CAPRIN1: variants seen among roughly 807,000 people sequenced by gnomAD.
CAPRIN1 encodes the protein caprin-1.
CAPRIN1 carries 29 observed loss-of-function variants against 100.9 expected under a neutral mutation model. The ratio of observed to expected loss-of-function variants is 0.29; its 90% CI spans 0.21 to 0.39. CAPRIN1 has a LOEUF of 0.39. Ranked by LOEUF, CAPRIN1 falls within the 10% of genes least tolerant of loss-of-function variation. The pLI, the probability that CAPRIN1 is intolerant of heterozygous loss-of-function variation, is 1.00. For synonymous variants in CAPRIN1, 338 were observed against 307.5 expected (o/e 1.10, Z -1.04); for missense variants, 795 against 876.7 (o/e 0.91, Z 1.18).
At position 34,052,645 on chromosome 11, in the gene CAPRIN1, A is replaced by T. The variant is rs992393240; in HGVS notation, c.216+9A>T. ...ACCTGGAGAAGAAAAAGGTGCCAGG[A>T]GTTGGCGGGGAAGGGAGGGGTGGCT... On this transcript the variant is annotated intron_variant, in intron 2 of 18. Coordinates refer to ENST00000341394, the MANE Select transcript of CAPRIN1 (RefSeq NM_005898.5). 6.2e-7 allele frequency: 1 copy of T among 1,600,200 alleles called. No individual in the cohort carries two copies. The highest frequency in any genetic ancestry group is 8.5e-7 in the Non-Finnish European group (1 of 1,173,692).
Position 34,076,345 on chromosome 11 carries a change from T to G in CAPRIN1, c.476T>G (p.Leu159Trp). The change falls in exon 5 of 19, where the codon TTG becomes TGG. Residue 159 changes from leucine to tryptophan, a missense_variant. By Grantham distance (61) the Leu-to-Trp change is moderately conservative. Around this residue, in one of 3 missense-constraint regions of CAPRIN1, gnomAD observed 648 missense variants for 697.9 expected, o/e 0.93. Coordinates refer to ENST00000341394, the MANE Select transcript of CAPRIN1 (RefSeq NM_005898.5). ...VLELQYVLDK[L>W]GDDEVRTDLK... ...GAGCTACAGTATGTTTTGGACAAATTGGGAGATGATGAAGTGCGGACTGAC... is the reference window on the plus strand; with the variant it reads ...GAGCTACAGTATGTTTTGGACAAATGGGGAGATGATGAAGTGCGGACTGAC... The G allele has an allele frequency of 6.2e-7, 1 of 1,614,154 alleles. No homozygotes were observed. The highest frequency in any genetic ancestry group is 8.5e-7 in the Non-Finnish European group (1 of 1,180,004).
intron 1 of CAPRIN1, 113 bp from the exon 2 acceptor site, chr11:34,052,308 G>T: frequency 1.1e-6 from 1 of 899,672 alleles, no homozygotes. Flanking sequence ...CCACCCGCTC[G>T]CGTAGGCTAC....
intron 2 of CAPRIN1, among the ~76,000 whole-genome samples, chr11:34,065,354 A>T (rs573714886): frequency 6.6e-6 from 1 of 152,356 alleles, no homozygotes; most frequent in East Asian, 1.9e-4. Context: ...CAAGTTAATT[A>T]CAATGTATTT....
intron 11 of CAPRIN1, 79 bp downstream of exon 11, chr11:34,086,492 ATTTTG>A: frequency 5.0e-6 from 4 of 803,290 alleles, no homozygotes; most frequent in Non-Finnish European, 8.0e-6. Flanking sequence ...GTGAAAATAA[ATTTTG>A]TTTATTTTAA....
rs1850307673 is a variant in CAPRIN1, at chr11:34,051,794, A to C, written c.-78A>C. 6.6e-6 allele frequency: 1 copy of C among 152,378 alleles called. No homozygotes were observed. The highest frequency in any genetic ancestry group is 1.5e-5 in the Non-Finnish European group (1 of 68,224). 9.4% of individuals were successfully genotyped at this position (152,378 alleles called of 1,614,324 possible). A position where few individuals can be genotyped will look rare whatever the true frequency, so the allele number is the denominator to read the frequency against. ...GCGGCCTGCGCCCACGGAGCGCGCG[A>C]CACTGCCCGGAAGGGACCACCACCC... On this transcript the variant is annotated 5_prime_UTR_variant, in exon 1 of 19. Coordinates refer to ENST00000341394, the MANE Select transcript of CAPRIN1 (RefSeq NM_005898.5).
intron 2 of CAPRIN1, among the ~76,000 whole-genome samples, chr11:34,062,068 A>G (rs1182047759): frequency 2.0e-5 from 3 of 151,988 alleles, no homozygotes; most frequent in Non-Finnish European, 2.9e-5. Flanking sequence ...TGCTTTCAAC[A>G]TTTGAAGAAA....
chr11:34,092,357 AC>A (rs1474120956), intron 15 of CAPRIN1, among the ~76,000 whole-genome samples: 1 of 146,744 alleles, frequency 6.8e-6, no homozygotes, highest in Non-Finnish European at 1.5e-5. Context: ...CATAAAGTGT[AC>A]TTTTTTTTTT....
At chr11:34,053,596 TA>T (rs55646128) in intron 2 of CAPRIN1, 19,511 of 144,928 alleles carry the variant, frequency 0.13, 1,658 homozygotes, top group African/African-American at 0.25. Context: ...GGCCCCCCTC[TA>T]AAAAAAAAAA....
Position 34,069,767 on chromosome 11 carries a change from C to T in CAPRIN1, c.217-1959C>T, listed in dbSNP as rs533017317. ...TAATAAAATTGGGTACTATTAAAAG[C>T]CTTTAATGTCTTAGTGATTATCTTG... On this transcript the variant is annotated intron_variant, in intron 2 of 18. Transcript: ENST00000341394. Among the ~76,000 whole-genome samples the T allele has an allele frequency of 2.0e-5, 3 of 151,678 alleles. No homozygotes were observed. In the South Asian group the frequency reaches 6.2e-4, roughly 31 times the overall value.
At chr11:34,087,692 A>G (rs981534863) in intron 11 of CAPRIN1, among the ~76,000 whole-genome samples, 1 of 152,212 alleles carries the variant, frequency 6.6e-6, no homozygotes, top group African/African-American at 2.4e-5. Context: ...CAAGAGAGCA[A>G]TCATGGTTTT....
At chr11:34,092,651 C>A (rs962920815) in intron 15 of CAPRIN1, among the ~76,000 whole-genome samples, 1 of 152,148 alleles carries the variant, frequency 6.6e-6, no homozygotes, top group Non-Finnish European at 1.5e-5. Flanking sequence ...TGAGCCATTG[C>A]ACCTGGTGAT....
In CAPRIN1 at chr11:34,079,850, G is replaced by GTTTTCATA. The variant is rs1297313371; in HGVS notation, c.826+87_826+94dup. On this transcript the variant is annotated intron_variant, in intron 7 of 18. Coordinates refer to ENST00000341394, the MANE Select transcript of CAPRIN1 (RefSeq NM_005898.5). Reference sequence around the variant, plus strand: ...CAAATTTAAACTATACACTTACTTAGTTTTCATATATGTACACTAGATTTT... The same window carrying GTTTTCATA: ...CAAATTTAAACTATACACTTACTTAGTTTTCATATTTTCATATATGTACACTAGATTTT... 86 of 1,171,268 alleles carry GTTTTCATA rather than the reference G, an allele frequency of 7.3e-5. No homozygotes were observed. In the African/African-American group the frequency reaches 1.2e-3, roughly 17 times the overall value. The allele number at this position is 1,171,268 out of a possible 1,614,324, so 72.6% of individuals were successfully genotyped here.
At chr11:34,064,543 T>C (rs569580626) in intron 2 of CAPRIN1, among the ~76,000 whole-genome samples, 102 of 152,344 alleles carry the variant, frequency 6.7e-4, no homozygotes, top group African/African-American at 2.4e-3. Flanking sequence ...TAAGCTGAGA[T>C]TGCAAGCTAT....
rs1590751680 is a variant in CAPRIN1, at chr11:34,100,535, C to T, written c.*1168C>T. ...ATCTTGAAACACTGGTGTTCAACAG[C>T]TAGCAGCTTATGTGATTCACCCCAT... On this transcript the variant is annotated 3_prime_UTR_variant, in exon 19 of 19. Coordinates refer to ENST00000341394, the MANE Select transcript of CAPRIN1 (RefSeq NM_005898.5). 1 of 152,306 alleles carries T rather than the reference C, an allele frequency of 6.6e-6. No individual in the cohort carries two copies. Among genetic ancestry groups the T allele is most frequent in the East Asian group, 1.9e-4 (1 of 5,184 alleles). The allele number at this position is 152,306 out of a possible 1,614,324, so 9.4% of individuals were successfully genotyped here.
Position 34,096,973 on chromosome 11 carries a change from G to A in CAPRIN1, c.1901-223G>A, listed in dbSNP as rs531913045. Among the ~76,000 whole-genome samples the A allele has an allele frequency of 1.8e-4, 27 of 152,302 alleles. No individual in the cohort carries two copies. In the South Asian group the frequency reaches 1.9e-3, roughly 11 times the overall value. On this transcript the variant is annotated intron_variant, in intron 16 of 18. Transcript: ENST00000341394. ...GGGGATTGTTTATTATATTTGTACA[G>A]ATGTGTGTTTACATGCATAGATGGG...
chr11:34,059,664 G>A (rs1366094038), intron 2 of CAPRIN1, among the ~76,000 whole-genome samples: 1 of 152,142 alleles, frequency 6.6e-6, no homozygotes, highest in Non-Finnish European at 1.5e-5. Flanking sequence ...TGCTGAATAA[G>A]TACTTGGTAG....
At chr11:34,094,194 A>G (rs1565098078) in intron 15 of CAPRIN1, among the ~76,000 whole-genome samples, 2 of 151,976 alleles carry the variant, frequency 1.3e-5, no homozygotes, top group African/African-American at 4.8e-5. Flanking sequence ...TGTCCAGTGC[A>G]GTGATGCAGT....
chr11:34,077,187 A>G (rs902962230), intron 6 of CAPRIN1, among the ~76,000 whole-genome samples: 8 of 152,180 alleles, frequency 5.3e-5, no homozygotes, highest in Admixed American at 1.3e-4. Flanking sequence ...ACAAACAACT[A>G]AAACTGGGAA....
chr11:34,071,945 T>G lies in CAPRIN1; in HGVS notation c.324T>G (p.Phe108Leu). 1 of 1,613,500 alleles carries G rather than the reference T, an allele frequency of 6.2e-7. No homozygotes were observed. Among genetic ancestry groups the G allele is most frequent in the Non-Finnish European group, 8.5e-7 (1 of 1,179,616 alleles). Residue 108 changes from phenylalanine (F) to leucine (L), a missense_variant, in exon 4 of 19, where the codon TTT becomes TTG. Around this residue, in one of 3 missense-constraint regions of CAPRIN1, gnomAD observed 38 missense variants for 92.3 expected, o/e 0.41. Coordinates refer to ENST00000341394, the MANE Select transcript of CAPRIN1 (RefSeq NM_005898.5). ...KYQEVTNNLEFAKELQRSFMA... is the reference protein window; with the variant it reads ...KYQEVTNNLELAKELQRSFMA... ...AGGAAGTCACAAATAATTTGGAGTT[T>G]GCAAAAGAATTACAGAGGAGTTTCA...
Sources: allele counts gnomAD v4.1 joint callset (sites outside exome capture counted in the v4.1 genomes callset), GRCh38; gene constraint gnomAD v4.1.1; regional missense constraint gnomAD v4.1.1; transcripts MANE v1.5; gene names NCBI Gene and HGNC (gene_info 2026-07-23, HGNC 2026-07-21).